The following POTEI variants were observed in gnomAD, a reference collection of about 807,000 sequenced individuals.
POTEI encodes the protein POTE ankyrin domain family member I.
In POTEI, 14 loss-of-function variants were observed where a neutral mutation model predicts 43.4. The ratio of observed to expected loss-of-function variants is 0.32; its 90% CI spans 0.21 to 0.50. POTEI has a LOEUF of 0.50. Ranked by LOEUF, POTEI falls within the 20% of genes least tolerant of loss-of-function variation. The pLI is 0.98. For synonymous variants in POTEI, 95 were observed against 297.9 expected (o/e 0.32, Z 7.01); for missense variants, 235 against 795.4 (o/e 0.30, Z 8.47).
chr2:130,504,954 G>A (rs1393306952), intron 1 of POTEI, among the ~76,000 whole-genome samples: 2 of 99,602 alleles, frequency 2.0e-5, no homozygotes, highest in African/African-American at 6.9e-5. Context: ...GGATGTGCAG[G>A]TTTGTTACAT....
chr2:130,477,106 TA>T (rs1683219677), intron 10 of POTEI, among the ~76,000 whole-genome samples: 1 of 151,326 alleles, frequency 6.6e-6, no homozygotes, highest in African/African-American at 2.4e-5. Flanking sequence ...TCCTAATATC[TA>T]AAATGTTTCC....
rs1682893962 is a variant in POTEI, at chr2:130,467,945, T to A, written c.1779-2173A>T. 2.9e-5 allele frequency among the ~76,000 whole-genome samples: 4 copies of A among 137,828 alleles called. No individual in the cohort carries two copies. In the South Asian group the frequency reaches 1.0e-3, roughly 36 times the overall value. 90.4% of individuals were successfully genotyped at this position (137,828 alleles called of 152,430 possible). Reference sequence around the variant, plus strand: ...CTCACTGCAGCCAGAATGGCCACTATTAGAAATCAAAAAACAACAGATGTT... The same window carrying A: ...CTCACTGCAGCCAGAATGGCCACTAATAGAAATCAAAAAACAACAGATGTT... On this transcript the variant is annotated intron_variant, in intron 13 of 14. Transcript: ENST00000451531.
chr2:130,482,773 ATTACGG>A (rs1297488797), intron 9 of POTEI, among the ~76,000 whole-genome samples: 215 of 146,532 alleles, frequency 1.5e-3, no homozygotes, highest in Middle Eastern at 3.5e-3. Context: ...ATTGTCCACT[ATTACGG>A]AGTTGATCAA....
At chr2:130,465,034 T>C (rs1682795485) in intron 14 of POTEI, among the ~76,000 whole-genome samples, 4 of 121,060 alleles carry the variant, frequency 3.3e-5, no homozygotes, top group African/African-American at 2.9e-5. Context: ...AACTTTTATT[T>C]CCTCTTTATA....
Position 130,508,927 on chromosome 2 carries a change from G to C in POTEI, c.309C>G (p.Cys103Trp). 6.3e-7 allele frequency: 1 copy of C among 1,587,158 alleles called. No homozygotes were observed. Among genetic ancestry groups the C allele is most frequent in the Non-Finnish European group, 8.6e-7 (1 of 1,168,734 alleles). ...TLRSKMGKWC[C>W]HCFPCCRGSG... ...TCCCCCTGCAGCAGGGGAAGCAGTG[G>C]CAGCACCACTTGCCCATCTTGCTCC... Residue 103 changes from cysteine (C) to tryptophan (W), a missense_variant, in exon 1 of 15, where the codon TGC (cysteine) becomes TGG (tryptophan). Coordinates refer to ENST00000451531, the MANE Select transcript of POTEI (RefSeq NM_001277406.2).
At position 130,477,839 on chromosome 2, in the gene POTEI, G is replaced by A. The variant is rs75798104; in HGVS notation, c.1481-1138C>T. Among the ~76,000 whole-genome samples, 6 of 144,354 alleles carry A rather than the reference G, an allele frequency of 4.2e-5. 1 individual carries two copies. Among genetic ancestry groups the A allele is most frequent in the South Asian group, 2.2e-4 (1 of 4,616 alleles). 94.7% of individuals were successfully genotyped at this position (144,354 alleles called of 152,430 possible). On this transcript the variant is annotated intron_variant, in intron 10 of 14. Coordinates refer to ENST00000451531, the MANE Select transcript of POTEI (RefSeq NM_001277406.2). The stretch of plus-strand genomic sequence containing the variant: ...GGGGTAGAGGGCAGGAAAGGGTGAC[G>A]GCATACCATGCAGCAGCAAGAGCGG...
intron 5 of POTEI, among the ~76,000 whole-genome samples, chr2:130,496,848 C>T (rs1333663304): frequency 1.2e-5 from 1 of 82,192 alleles, no homozygotes; most frequent in Non-Finnish European, 2.6e-5. Context: ...GCACTGTGAC[C>T]CAGTAAATTA....
intron 13 of POTEI, among the ~76,000 whole-genome samples, chr2:130,468,747 A>C (rs1339759860): frequency 6.6e-6 from 1 of 151,970 alleles, no homozygotes; most frequent in Non-Finnish European, 1.5e-5. Context: ...AAATGTCATT[A>C]TTTATAATTC....
intron 9 of POTEI, among the ~76,000 whole-genome samples, chr2:130,485,054 A>G (rs1220593950): frequency 3.6e-4 from 55 of 152,226 alleles, no homozygotes; most frequent in African/African-American, 1.1e-3. Flanking sequence ...CAGGAAGGAC[A>G]TCAGTAGCCC....
intron 10 of POTEI, among the ~76,000 whole-genome samples, chr2:130,477,837 A>G (rs1320253934): frequency 6.9e-6 from 1 of 144,540 alleles, no homozygotes; most frequent in African/African-American, 2.7e-5. Context: ...GGAAAGGGTG[A>G]CGGCATACCA....
intron 9 of POTEI, among the ~76,000 whole-genome samples, 165 bp downstream of exon 9, chr2:130,487,867 G>GA (rs984514543): frequency 5.7e-5 from 6 of 106,174 alleles, no homozygotes; most frequent in African/African-American, 2.0e-4. Flanking sequence ...TTAATGCCTG[G>GA]AAAAATGGTA....
intron 9 of POTEI, among the ~76,000 whole-genome samples, chr2:130,483,764 T>C (rs1192182162): frequency 1.3e-5 from 2 of 149,254 alleles, no homozygotes; most frequent in African/African-American, 5.0e-5. Context: ...CCGGTTAATT[T>C]TTTTGTATTT....
Position 130,463,638 on chromosome 2 carries a change from G to A in POTEI, c.2406C>T (p.Pro802=), listed in dbSNP as rs770401364. The A allele has an allele frequency of 1.9e-6, 3 of 1,607,470 alleles. No homozygotes were observed. In the Admixed American group the frequency reaches 5.0e-5, roughly 27 times the overall value. ...TCAGGGGGGCCTCGGTCAGCAGGAT[G>A]GGGTGCTCCTCAGGGGCCACACGCA... ...NELRVAPEEH[P]ILLTEAPLNP... The change falls in exon 15 of 15, where the codon CCC becomes CCT. Residue 802 remains proline (P), a synonymous_variant. Coordinates refer to ENST00000451531, the MANE Select transcript of POTEI (RefSeq NM_001277406.2).
At position 130,463,649 on chromosome 2, in the gene POTEI, C is replaced by A. The variant is rs1244930689; in HGVS notation, c.2395G>T (p.Glu799Ter). The change falls in exon 15 of 15, where the codon GAG becomes TAG. Residue 799 changes from glutamate to a stop codon, truncating the protein, a stop_gained. Transcript: ENST00000451531. LOFTEE classifies it high-confidence loss of function. The stretch of plus-strand genomic sequence containing the variant: ...TCGGTCAGCAGGATGGGGTGCTCCT[C>A]AGGGGCCACACGCAGCTCGTTGTAG... ...TFYNELRVAP[E>*]EHPILLTEAP... 1 of 1,607,746 alleles carries A rather than the reference C, an allele frequency of 6.2e-7. No individual in the cohort carries two copies. Among genetic ancestry groups the A allele is most frequent in the African/African-American group, 1.4e-5 (1 of 72,148 alleles).
intron 13 of POTEI, among the ~76,000 whole-genome samples, chr2:130,468,753 A>G (rs1239915775): frequency 3.2e-4 from 48 of 152,226 alleles, no homozygotes; most frequent in African/African-American, 1.1e-3. Flanking sequence ...CATTATTTAT[A>G]ATTCAAAATA....
chr2:130,465,019 G>C (rs1356029773), intron 14 of POTEI, among the ~76,000 whole-genome samples: 3 of 136,312 alleles, frequency 2.2e-5, no homozygotes, highest in Admixed American at 7.4e-5. Flanking sequence ...ATTTGCCATT[G>C]CGGTAACTTT....
At chr2:130,484,285 A>G (rs1683509639) in intron 9 of POTEI, among the ~76,000 whole-genome samples, 1 of 148,904 alleles carries the variant, frequency 6.7e-6, no homozygotes, top group African/African-American at 2.5e-5. Context: ...CGCTGATGTC[A>G]AGATACAAAT....
rs547816996 is a variant in POTEI at position 130,509,068 on chromosome 2, T to C, written c.168A>G (p.Thr56=). 1.2e-3 allele frequency: 1,771 copies of C among 1,462,820 alleles called. 57 individuals carry two copies. The African/African-American group carries it at 0.025, about 20-fold the overall frequency. 90.6% of individuals were successfully genotyped at this position (1,462,820 alleles called of 1,614,324 possible). ...SGDQDDSTMK[T]LRSKMGKWCC... ...ACCACTTGCCCATCTTGCTCCTGAG[T>C]GTCTTCATAGTGGAGTCGTCCTGGT... Residue 56 remains threonine, a synonymous_variant, in exon 1 of 15, where the codon ACA becomes ACG. Coordinates refer to ENST00000451531, the MANE Select transcript of POTEI (RefSeq NM_001277406.2).
At chr2:130,479,729 C>T (rs558344303) in intron 10 of POTEI, among the ~76,000 whole-genome samples, 700 of 45,332 alleles carry the variant, frequency 0.015, 16 homozygotes, top group African/African-American at 0.05. Context: ...ATAACCAGAA[C>T]GCCTTAATAC....
Sources: allele counts gnomAD v4.1 joint callset (sites outside exome capture counted in the v4.1 genomes callset), GRCh38; gene constraint gnomAD v4.1.1; transcripts MANE v1.5; gene names NCBI Gene and HGNC (gene_info 2026-07-23, HGNC 2026-07-21).